GALNTL6: variants seen among roughly 807,000 people sequenced by gnomAD.
GALNTL6 encodes polypeptide N-acetylgalactosaminyltransferase like 6, also known as polypeptide N-acetylgalactosaminyltransferase-like 6.
Under a neutral mutation model 73.7 loss-of-function variants are expected in GALNTL6, and 46 were observed. That is an observed-to-expected ratio of 0.62 (90% CI 0.49 to 0.80). The LOEUF (loss-of-function observed/expected upper bound fraction) is 0.80. Ranked by LOEUF, GALNTL6 falls within the 30% of genes least tolerant of loss-of-function variation. The pLI, the probability that GALNTL6 is intolerant of heterozygous loss-of-function variation, is 0.00. For missense variants in GALNTL6, 604 were observed against 755.0 expected, an observed-to-expected ratio of 0.80 and a Z score of 2.34; for synonymous variants, 259 against 263.7, an observed-to-expected ratio of 0.98 and a Z score of 0.17.
chr4:172,520,723 A>G (rs1408126788), intron 5 of GALNTL6, among the ~76,000 whole-genome samples: 1 of 151,972 alleles, frequency 6.6e-6, no homozygotes, highest in Non-Finnish European at 1.5e-5. Flanking sequence ...TTTGGTGGCT[A>G]AATGTTTGAG....
chr4:172,176,115 G>A (rs193034357), intron 2 of GALNTL6, among the ~76,000 whole-genome samples: 4,298 of 151,722 alleles, frequency 0.028, 201 homozygotes, highest in African/African-American at 0.097. Context: ...CGAGGTGGGC[G>A]GATCACAAGG....
At chr4:172,093,697 C>G (rs769067446) in intron 2 of GALNTL6, among the ~76,000 whole-genome samples, 7 of 152,154 alleles carry the variant, frequency 4.6e-5, no homozygotes, top group Non-Finnish European at 8.8e-5. Flanking sequence ...GAGCATGAAA[C>G]CTATCGTGAA....
At chr4:172,931,573 T>G (rs1342797350) in intron 9 of GALNTL6, among the ~76,000 whole-genome samples, 2 of 152,208 alleles carry the variant, frequency 1.3e-5, no homozygotes, top group Non-Finnish European at 2.9e-5. Context: ...TTGTTCATGC[T>G]CACATGAATG....
At chr4:172,898,000 C>T (rs1310936799) in intron 8 of GALNTL6, among the ~76,000 whole-genome samples, 1 of 152,038 alleles carries the variant, frequency 6.6e-6, no homozygotes, top group Non-Finnish European at 1.5e-5. Context: ...AAGTGCGTTC[C>T]TTCTAAAGCA....
At chr4:172,380,745 C>A (rs1743253599) in intron 5 of GALNTL6, among the ~76,000 whole-genome samples, 1 of 152,166 alleles carries the variant, frequency 6.6e-6, no homozygotes, top group South Asian at 2.1e-4. Flanking sequence ...AAGAGACACT[C>A]TACTACAGTC....
At chr4:172,568,894 A>G (rs1479496657) in intron 5 of GALNTL6, among the ~76,000 whole-genome samples, 2 of 151,740 alleles carry the variant, frequency 1.3e-5, no homozygotes, top group African/African-American at 2.4e-5. Context: ...TTCTTAAAAC[A>G]TTATGAGATC....
intron 5 of GALNTL6, among the ~76,000 whole-genome samples, chr4:172,541,378 A>G (rs527606941): frequency 1.3e-5 from 2 of 152,318 alleles, no homozygotes; most frequent in Admixed American, 6.5e-5. Flanking sequence ...AGAACATATG[A>G]GAGTCACGCA....
chr4:172,570,266 G>A (rs1736711922), intron 5 of GALNTL6, among the ~76,000 whole-genome samples: 1 of 152,160 alleles, frequency 6.6e-6, no homozygotes. Flanking sequence ...ATCTGCTGAA[G>A]GTAGGGAAAT....
chr4:171,875,516 T>C (rs1736253152), intron 2 of GALNTL6, among the ~76,000 whole-genome samples: 1 of 152,114 alleles, frequency 6.6e-6, no homozygotes, highest in Non-Finnish European at 1.5e-5. Context: ...AGGTGATCAA[T>C]ACGAATCCTA....
At chr4:172,938,039 C>G (rs1748714036) in intron 9 of GALNTL6, among the ~76,000 whole-genome samples, 1 of 152,178 alleles carries the variant, frequency 6.6e-6, no homozygotes, top group South Asian at 2.1e-4. Flanking sequence ...CCTAGGGTTT[C>G]TTAGCAAAGT....
intron 5 of GALNTL6, among the ~76,000 whole-genome samples, chr4:172,807,859 A>G (rs546971170): frequency 5.3e-5 from 8 of 152,196 alleles, no homozygotes; most frequent in African/African-American, 1.9e-4. Context: ...GTCTCACTCT[A>G]TTGCCCAGGC....
intron 3 of GALNTL6, among the ~76,000 whole-genome samples, chr4:172,249,540 G>A (rs1737779458): frequency 6.6e-6 from 1 of 152,198 alleles, no homozygotes; most frequent in South Asian, 2.1e-4. Flanking sequence ...AGACCTTCAC[G>A]GCAACCCCTC....
At chr4:172,199,964 TA>T (rs1274889919) in intron 2 of GALNTL6, among the ~76,000 whole-genome samples, 9 of 152,186 alleles carry the variant, frequency 5.9e-5, no homozygotes, top group Non-Finnish European at 1.3e-4. Flanking sequence ...TAAGAGCCCT[TA>T]AAAAACATCA....
intron 5 of GALNTL6, among the ~76,000 whole-genome samples, chr4:172,591,433 TTTTAA>T (rs1229425412): frequency 6.6e-6 from 1 of 152,178 alleles, no homozygotes; most frequent in Non-Finnish European, 1.5e-5. Context: ...ATTTCACAGA[TTTTAA>T]TTTAAAGTAT....
Position 172,720,539 on chromosome 4 carries a change from T to G in GALNTL6, c.554-88822T>G, listed in dbSNP as rs146908450. Among the ~76,000 whole-genome samples the G allele has an allele frequency of 3.8e-3, 573 of 152,342 alleles. 4 individuals carry two copies. Among genetic ancestry groups the G allele is most frequent in the African/African-American group, 0.013 (541 of 41,580 alleles). On this transcript the variant is annotated intron_variant, in intron 5 of 12. Transcript: ENST00000506823. ...CTATTCAAGATGGAGTTGCTCTGGT[T>G]CACGCATCTCTGACACAAATATGCA... is the stretch of plus-strand genomic sequence containing the variant.
At chr4:172,428,319 C>T (rs1214078727) in intron 5 of GALNTL6, among the ~76,000 whole-genome samples, 1 of 151,958 alleles carries the variant, frequency 6.6e-6, no homozygotes, top group East Asian at 1.9e-4. Flanking sequence ...ATAATAAAAT[C>T]AGTATATCTG....
At position 171,875,165 on chromosome 4, in the gene GALNTL6, G is replaced by A. The variant is rs150978496; in HGVS notation, c.138+60447G>A. Among the ~76,000 whole-genome samples the A allele has an allele frequency of 1.6e-3, 243 of 152,284 alleles. 3 individuals carry two copies. The highest frequency in any genetic ancestry group is 1.5e-3 in the South Asian group (7 of 4,824). On this transcript the variant is annotated intron_variant, in intron 2 of 12. Coordinates refer to ENST00000506823, the MANE Select transcript of GALNTL6 (RefSeq NM_001034845.3). The stretch of plus-strand genomic sequence containing the variant: ...GGTACTATTTTTTGATGATGATAAT[G>A]TTACCAGGAAGTGTGGGGGTCCTTG...
intron 2 of GALNTL6, among the ~76,000 whole-genome samples, chr4:172,096,992 T>C (rs1732375799): frequency 6.6e-6 from 1 of 152,202 alleles, no homozygotes. Context: ...CCCAGGCAGA[T>C]CGTCATACTT....
chr4:172,266,838 C>G (rs1738469110), intron 3 of GALNTL6, among the ~76,000 whole-genome samples: 1 of 152,086 alleles, frequency 6.6e-6, no homozygotes, highest in South Asian at 2.1e-4. Context: ...CTTTCTGTGT[C>G]TCTTTCTGTC....
Sources: gnomAD v4.1 joint callset for allele counts (sites outside exome capture counted in the v4.1 genomes callset) on GRCh38, gnomAD v4.1.1 for gene constraint, MANE v1.5 for transcripts, NCBI Gene and HGNC (gene_info 2026-07-23, HGNC 2026-07-21) for gene names.